ATXN7: variants seen among roughly 807,000 people sequenced by gnomAD.
The protein encoded by ATXN7 is ataxin-7.
Under a neutral mutation model 70.5 loss-of-function variants are expected in ATXN7, and 12 were observed. The ratio of observed to expected loss-of-function variants is 0.17; its 90% CI spans 0.11 to 0.28. The LOEUF (loss-of-function observed/expected upper bound fraction) is 0.28. ATXN7 is among the 10% of genes least tolerant of loss of function. ATXN7 has a pLI of 1.00. For synonymous variants in ATXN7, 498 were observed against 448.7 expected (o/e 1.11, Z -1.39); for missense variants, 1,256 against 1,131.7 (o/e 1.11, Z -1.58).
At chr3:63,868,789 T>C (rs1702510198) in intron 1 of ATXN7, among the ~76,000 whole-genome samples, 1 of 150,974 alleles carries the variant, frequency 6.6e-6, no homozygotes, top group Admixed American at 6.6e-5. Context: ...GCACATGTAC[T>C]TTATAGTCCA....
Position 63,912,575 on chromosome 3 carries a change from TG to T in ATXN7, c.-11-12del. The T allele has an allele frequency of 8.9e-7, 1 of 1,120,316 alleles. No homozygotes were observed. The highest frequency in any genetic ancestry group is 1.1e-6 in the Non-Finnish European group (1 of 903,224). 69.4% of individuals were successfully genotyped at this position (1,120,316 alleles called of 1,614,324 possible). ...CGCGCGACTCTTTCCCCCTTTTTTT[TG>T]TTACATTGTAGGAGCGGAAAGAATG... On this transcript the variant is annotated splice_polypyrimidine_tract_variant and intron_variant, in intron 2 of 12. Transcript: ENST00000674280.
chr3:63,998,867 GA>G, intron 12 of ATXN7: 1 of 226,016 alleles, frequency 4.4e-6, no homozygotes, highest in South Asian at 1.6e-4. Context: ...TGGGCTAGTT[GA>G]AGTTTTCTAA....
chr3:63,987,386 C>T (rs1280178918), intron 8 of ATXN7, among the ~76,000 whole-genome samples: 2 of 152,158 alleles, frequency 1.3e-5, no homozygotes, highest in Non-Finnish European at 2.9e-5. Flanking sequence ...CATCCCATTT[C>T]CTTAATTTCC....
intron 4 of ATXN7, among the ~76,000 whole-genome samples, chr3:63,920,789 G>A (rs1214784166): frequency 6.6e-6 from 1 of 151,990 alleles, no homozygotes; most frequent in Non-Finnish European, 1.5e-5. Flanking sequence ...CAATCATCTG[G>A]GATTTGTGCC....
At chr3:63,902,766 C>A (rs1171006724) in intron 2 of ATXN7, among the ~76,000 whole-genome samples, 1 of 152,068 alleles carries the variant, frequency 6.6e-6, no homozygotes, top group Non-Finnish European at 1.5e-5. Flanking sequence ...TTTTATCAGT[C>A]CATGCCGTTG....
At position 64,002,654 on chromosome 3, in the gene ATXN7, T is replaced by C. The variant is rs1035626678; in HGVS notation, c.*3187T>C. The C allele has an allele frequency of 1.3e-5, 2 of 152,214 alleles. No individual in the cohort carries two copies. Among genetic ancestry groups the C allele is most frequent in the Non-Finnish European group, 2.9e-5 (2 of 68,030 alleles). 9.4% of individuals were successfully genotyped at this position (152,214 alleles called of 1,614,324 possible). On this transcript the variant is annotated 3_prime_UTR_variant, in exon 13 of 13. Coordinates refer to ENST00000674280, the MANE Select transcript of ATXN7 (RefSeq NM_001377405.1). ...AAGACTTGAATGTTCAGTTGAACTTTTGGAGTTTGCTTTTTCCACCTAAAT... is the reference window on the plus strand; with the variant it reads ...AAGACTTGAATGTTCAGTTGAACTTCTGGAGTTTGCTTTTTCCACCTAAAT...
chr3:63,942,626 C>T (rs1575929335), intron 4 of ATXN7, among the ~76,000 whole-genome samples: 1 of 152,060 alleles, frequency 6.6e-6, no homozygotes, highest in Non-Finnish European at 1.5e-5. Context: ...TAACTGACAC[C>T]CATTAAGTAC....
intron 1 of ATXN7, among the ~76,000 whole-genome samples, chr3:63,872,271 A>AT (rs1210192843): frequency 1.3e-5 from 2 of 152,244 alleles, no homozygotes; most frequent in Non-Finnish European, 2.9e-5. Flanking sequence ...TCAGTTATCT[A>AT]TTGTTAACAA....
intron 8 of ATXN7, among the ~76,000 whole-genome samples, chr3:63,985,119 C>T (rs1181979935): frequency 2.6e-5 from 4 of 152,110 alleles, no homozygotes; most frequent in African/African-American, 9.7e-5. Flanking sequence ...CTTTGAGATT[C>T]TGATTTCAGT....
intron 1 of ATXN7, among the ~76,000 whole-genome samples, chr3:63,894,259 A>C (rs1703376304): frequency 6.6e-6 from 1 of 152,230 alleles, no homozygotes; most frequent in Middle Eastern, 3.2e-3. Context: ...CCAGATTTTT[A>C]GATTTTTCCC....
At chr3:63,907,467 T>TC (rs1271773165) in intron 2 of ATXN7, among the ~76,000 whole-genome samples, 1 of 150,364 alleles carries the variant, frequency 6.7e-6, no homozygotes, top group East Asian at 1.9e-4. Flanking sequence ...TTTTTTTTTT[T>TC]TTTTTTTTTT....
chr3:63,922,568 A>G (rs1704552328), intron 4 of ATXN7, among the ~76,000 whole-genome samples: 1 of 152,042 alleles, frequency 6.6e-6, no homozygotes, highest in African/African-American at 2.4e-5. Flanking sequence ...TTTCTGGGCA[A>G]AAAAGGTAAA....
At chr3:63,945,554 G>T (rs978132487) in intron 4 of ATXN7, among the ~76,000 whole-genome samples, 7 of 152,176 alleles carry the variant, frequency 4.6e-5, no homozygotes, top group Non-Finnish European at 1.0e-4. Flanking sequence ...ATAACCTTCT[G>T]ACTTACGGTG....
chr3:63,895,146 T>G (rs1703403455), intron 1 of ATXN7, among the ~76,000 whole-genome samples: 1 of 152,232 alleles, frequency 6.6e-6, no homozygotes, highest in Non-Finnish European at 1.5e-5. Flanking sequence ...TTTATACTGT[T>G]AAAAACAAGA....
chr3:63,979,355 T>C (rs1375135105), intron 5 of ATXN7, among the ~76,000 whole-genome samples: 3 of 152,138 alleles, frequency 2.0e-5, no homozygotes, highest in Non-Finnish European at 4.4e-5. Flanking sequence ...CACTGGAAAA[T>C]TTCAGCACAG....
rs747844544 is a variant in ATXN7, at chr3:63,895,561, C to T, written c.-110-2838C>T. On this transcript the variant is annotated intron_variant, in intron 1 of 12. Coordinates refer to ENST00000674280, the MANE Select transcript of ATXN7 (RefSeq NM_001377405.1). ...AAATAAGCTCATTAAAAGGTGGGGG[C>T]GGGGGCACTTACCCTAGATGCCAGG... Among the ~76,000 whole-genome samples, 7 of 141,214 alleles carry T rather than the reference C, an allele frequency of 5.0e-5. No individual in the cohort carries two copies. In the South Asian group the frequency reaches 1.1e-3, roughly 23 times the overall value. 92.6% of individuals were successfully genotyped at this position (141,214 alleles called of 152,430 possible). A position where few individuals can be genotyped will look rare whatever the true frequency, so the allele number is the denominator to read the frequency against.
chr3:63,959,658 C>G (rs969718114), intron 5 of ATXN7, among the ~76,000 whole-genome samples: 2 of 152,052 alleles, frequency 1.3e-5, no homozygotes, highest in African/African-American at 4.8e-5. Flanking sequence ...TTTATTCTCT[C>G]TCAGCTAATA....
At chr3:63,870,904 C>T (rs1395547353) in intron 1 of ATXN7, among the ~76,000 whole-genome samples, 1 of 152,136 alleles carries the variant, frequency 6.6e-6, no homozygotes. Context: ...TTGGTGTGTA[C>T]AGAGCATGTA....
chr3:63,896,883 G>T (rs1347097118), intron 1 of ATXN7, among the ~76,000 whole-genome samples: 1 of 152,100 alleles, frequency 6.6e-6, no homozygotes, highest in Non-Finnish European at 1.5e-5. Flanking sequence ...GACTTCCTTG[G>T]ATACTTTGGA....
Sources: allele counts gnomAD v4.1 joint callset (sites outside exome capture counted in the v4.1 genomes callset), GRCh38; gene constraint gnomAD v4.1.1; transcripts MANE v1.5; gene names NCBI Gene and HGNC (gene_info 2026-07-23, HGNC 2026-07-21).